Variants in PIK3CG observed in about 807,000 individuals in gnomAD.
PIK3CG encodes phosphatidylinositol 4,5-bisphosphate 3-kinase catalytic subunit gamma isoform.
A neutral mutation model predicts 102.3 loss-of-function variants in PIK3CG; 55 were observed. That is an observed-to-expected ratio of 0.54 (90% CI 0.43 to 0.67). The LOEUF is 0.67. PIK3CG is among the 30% of genes least tolerant of loss of function. The probability of loss-of-function intolerance (pLI) is 0.00; values close to 1 mark genes in which losing one functional copy is unlikely to be tolerated. For synonymous variants in PIK3CG, 552 were observed against 540.0 expected (o/e 1.02, Z -0.31); for missense variants, 1,258 against 1,391.8 (o/e 0.90, Z 1.53).
intron 2 of PIK3CG, among the ~76,000 whole-genome samples, chr7:106,871,583 T>G (rs1292785891): frequency 6.6e-6 from 1 of 152,244 alleles, no homozygotes; most frequent in Non-Finnish European, 1.5e-5. Context: ...GTGTATACTC[T>G]GAGATATTTA....
chr7:106,876,127 G>A (rs1248555925), intron 5 of PIK3CG, among the ~76,000 whole-genome samples: 6 of 149,682 alleles, frequency 4.0e-5, no homozygotes, highest in Non-Finnish European at 5.9e-5. Context: ...TGTTAGCCAG[G>A]ATGGTCTCGA....
rs934702112 is a variant in PIK3CG at position 106,905,640 on chromosome 7, C to A, written c.*253C>A. Reference sequence around the variant, plus strand: ...TTTGTCTGTGGCATTGGAGAATATTCTCGGTTTAAACAGACTAATGACTTC... The same window carrying A: ...TTTGTCTGTGGCATTGGAGAATATTATCGGTTTAAACAGACTAATGACTTC... On this transcript the variant is annotated 3_prime_UTR_variant, in exon 11 of 11. Coordinates refer to ENST00000496166, the MANE Select transcript of PIK3CG (RefSeq NM_001282426.2). The surrounding 1 kb of genome is among the most constrained non-coding windows in gnomAD (Gnocchi z 5.6). 1.8e-5 allele frequency: 9 copies of A among 504,160 alleles called. No individual in the cohort carries two copies. The highest frequency in any genetic ancestry group is 2.8e-5 in the Non-Finnish European group (8 of 284,442). 31.2% of individuals were successfully genotyped at this position (504,160 alleles called of 1,614,324 possible).
chr7:106,868,458 C>A lies in PIK3CG; in HGVS notation c.897C>A (p.Asn299Lys), dbSNP rs1220639059. ...AGTGGGTGAGGCACTGCCTCAAGAA[C>A]GGAGAAGAGATTCACGTGGTACTGG... is the stretch of plus-strand genomic sequence containing the variant. ...NFQWVRHCLK[N>K]GEEIHVVLDT... is the part of the protein sequence containing the mutation. Residue 299 changes from asparagine to lysine, a missense_variant, in exon 2 of 11, where the codon AAC (asparagine) becomes AAA (lysine). By Grantham distance (94) the Asn-to-Lys change is moderately conservative (BLOSUM62 0). This residue lies in a region of PIK3CG where 832 missense variants were observed against 787.5 expected (regional missense o/e 1.06). Coordinates refer to ENST00000496166, the MANE Select transcript of PIK3CG (RefSeq NM_001282426.2). This position sits in a 1 kb window ranked among gnomAD's most constrained non-coding sequence, Gnocchi z 6.2. 6.2e-7 allele frequency: 1 copy of A among 1,614,162 alleles called. No individual in the cohort carries two copies. The highest frequency in any genetic ancestry group is 8.5e-7 in the Non-Finnish European group (1 of 1,180,044).
chr7:106,880,778 A>G lies in PIK3CG; in HGVS notation c.2538+1113A>G, dbSNP rs528076486. Among the ~76,000 whole-genome samples, 1 of 152,210 alleles carries G rather than the reference A, an allele frequency of 6.6e-6. No homozygotes were observed. Among genetic ancestry groups the G allele is most frequent in the East Asian group, 1.9e-4 (1 of 5,178 alleles). On this transcript the variant is annotated intron_variant, in intron 6 of 10. Coordinates refer to ENST00000496166, the MANE Select transcript of PIK3CG (RefSeq NM_001282426.2). The surrounding 1 kb of genome is among the most constrained non-coding windows in gnomAD (Gnocchi z 4.2). ...ACTGCAGCCTCAAACTCCTAGGCTC[A>G]AGCAATCCTCCTGCCTTAGCCTCTG... is the stretch of plus-strand genomic sequence containing the variant.
rs1791424454 is a variant in PIK3CG at position 106,896,937 on chromosome 7, C to G, written c.3031-8172C>G. 2.0e-5 allele frequency among the ~76,000 whole-genome samples: 3 copies of G among 152,160 alleles called. 1 individual carries two copies. Among genetic ancestry groups the G allele is most frequent in the Admixed American group, 2.0e-4 (3 of 15,280 alleles). ...CAGTTACCCTACCACACACAAATGT[C>G]ACAGACAATATCAGCTAAAAGCAAA... On this transcript the variant is annotated intron_variant, in intron 10 of 10. Coordinates refer to ENST00000496166, the MANE Select transcript of PIK3CG (RefSeq NM_001282426.2).
Position 106,865,785 on chromosome 7 carries a change from TAGTC to T in PIK3CG, c.-13+362_-13+365del, listed in dbSNP as rs1378100781. 9 of 152,364 alleles carry T rather than the reference TAGTC, an allele frequency of 5.9e-5. No individual in the cohort carries two copies. In the South Asian group the frequency reaches 1.0e-3, roughly 18 times the overall value. 9.4% of individuals were successfully genotyped at this position (152,364 alleles called of 1,614,324 possible). A position where few individuals can be genotyped will look rare whatever the true frequency, so the allele number is the denominator to read the frequency against. On this transcript the variant is annotated intron_variant, in intron 1 of 10. Transcript: ENST00000496166. ...AACCATGAAGGAAACCAGTGAGTAT[TAGTC>T]AGCCTGTTTTCCTCTGCATCTTATA... is the stretch of plus-strand genomic sequence containing the variant.
rs1306985591 is a variant in PIK3CG at position 106,874,710 on chromosome 7, A to G, written c.2298A>G (p.Gln766=). Residue 766 remains glutamine (Q), a synonymous_variant, in exon 5 of 11, where the codon CAA becomes CAG. Transcript: ENST00000496166. This position sits in a 1 kb window ranked among gnomAD's most constrained non-coding sequence, Gnocchi z 4.3. The stretch of plus-strand genomic sequence containing the variant: ...TTTTGACAATTACAGTTATTTCACA[A>G]CTTAAACAAAAGCTTGAAAACCTGC... The part of the protein sequence containing the change: ...KYDVSSQVIS[Q]LKQKLENLQN... 1.9e-6 allele frequency: 3 copies of G among 1,610,510 alleles called. No homozygotes were observed. The highest frequency in any genetic ancestry group is 1.6e-4 in the Middle Eastern group (1 of 6,074).
rs758894398 is a variant in PIK3CG at position 106,879,486 on chromosome 7, G to T, written c.2392-33G>T. ...CCACCATGTATATTCGTTATTCATT[G>T]TGTGTGGGGAATATGTGACTGCTTC... On this transcript the variant is annotated intron_variant, in intron 5 of 10. Coordinates refer to ENST00000496166, the MANE Select transcript of PIK3CG (RefSeq NM_001282426.2). The surrounding 1 kb of genome is among the most constrained non-coding windows in gnomAD (Gnocchi z 4.9). 2.5e-6 allele frequency: 4 copies of T among 1,580,296 alleles called. No individual in the cohort carries two copies. The highest frequency in any genetic ancestry group is 3.4e-5 in the Admixed American group (2 of 59,506).
chr7:106,872,801 T>C lies in PIK3CG; in HGVS notation c.2150T>C (p.Leu717Pro), dbSNP rs1291906197. The C allele has an allele frequency of 6.2e-7, 1 of 1,614,096 alleles. No individual in the cohort carries two copies. Among genetic ancestry groups the C allele is most frequent in the Non-Finnish European group, 8.5e-7 (1 of 1,180,012 alleles). Residue 717 changes from leucine to proline, a missense_variant, in exon 4 of 11, where the codon CTG becomes CCG. Leu to Pro is a moderately conservative substitution (Grantham distance 98). This residue lies in a region of PIK3CG where 426 missense variants were observed against 604.2 expected (regional missense o/e 0.71). Transcript: ENST00000496166. The surrounding 1 kb of genome is among the most constrained non-coding windows in gnomAD (Gnocchi z 5.3). The stretch of plus-strand genomic sequence containing the variant: ...TATCAGCAGAGGTTCGCTGTGATTC[T>C]GGAAGCCTATCTGAGGGGCTGTGGC... ...RHYQQRFAVI[L>P]EAYLRGCGTA...
chr7:106,882,892 T>C, intron 7 of PIK3CG, 141 bp from the exon 8 acceptor site: 1 of 646,596 alleles, frequency 1.5e-6, no homozygotes, highest in Non-Finnish European at 2.5e-6. Flanking sequence ...ACCAATAGCA[T>C]AGACCTGGAA....
Position 106,894,312 on chromosome 7 carries a change from G to A in PIK3CG, c.3030+8020G>A, listed in dbSNP as rs900530059. Among the ~76,000 whole-genome samples, 1 of 152,022 alleles carries A rather than the reference G, an allele frequency of 6.6e-6. No individual in the cohort carries two copies. The highest frequency in any genetic ancestry group is 1.5e-5 in the Non-Finnish European group (1 of 67,998). ...CGCTATCAGAATATTGACTAAAGTA[G>A]AATAGCTTATTGTAGCATTTAGGTT... is the stretch of plus-strand genomic sequence containing the variant. On this transcript the variant is annotated intron_variant, in intron 10 of 10. Coordinates refer to ENST00000496166, the MANE Select transcript of PIK3CG (RefSeq NM_001282426.2). This position sits in a 1 kb window ranked among gnomAD's most constrained non-coding sequence, Gnocchi z 4.4.
In PIK3CG at chr7:106,882,128, C is replaced by T. The variant is rs768450449; in HGVS notation, c.2550C>T (p.Ile850=). 1 of 1,505,728 alleles carries T rather than the reference C, an allele frequency of 6.6e-7. No individual in the cohort carries two copies. The highest frequency in any genetic ancestry group is 1.4e-5 in the South Asian group (1 of 72,094). The allele number at this position is 1,505,728 out of a possible 1,614,324, so 93.3% of individuals were successfully genotyped here. A position where few individuals can be genotyped will look rare whatever the true frequency, so the allele number is the denominator to read the frequency against. Residue 850 remains isoleucine (I), a synonymous_variant, in exon 7 of 11, where the codon ATC becomes ATT. Transcript: ENST00000496166. ...QDMLILQILR[I]MESIWETESL... The stretch of plus-strand genomic sequence containing the variant: ...GTTTCGATGCCCAGATTCTACGAAT[C>T]ATGGAGTCTATTTGGGAGACTGAAT...
chr7:106,885,149 G>A (rs531391248), intron 9 of PIK3CG, among the ~76,000 whole-genome samples: 4 of 152,242 alleles, frequency 2.6e-5, no homozygotes, highest in African/African-American at 9.6e-5. Context: ...CCATGGCCCA[G>A]GGGTTGGGGA....
rs184046093 is a variant in PIK3CG at position 106,905,906 on chromosome 7, G to A, written c.*519G>A. The A allele has an allele frequency of 5.6e-4, 131 of 232,216 alleles. No individual in the cohort carries two copies. The Middle Eastern group carries it at 7.8e-3, about 14-fold the overall frequency. The allele number at this position is 232,216 out of a possible 1,614,324, so 14.4% of individuals were successfully genotyped here. ...GTGGTGTGCTAAAAGCAAGGAAAGCGAGTTAGTCTTTTCAGTGTCTTTTGC... is the reference window on the plus strand; with the variant it reads ...GTGGTGTGCTAAAAGCAAGGAAAGCAAGTTAGTCTTTTCAGTGTCTTTTGC... On this transcript the variant is annotated 3_prime_UTR_variant, in exon 11 of 11. Transcript: ENST00000496166. The surrounding 1 kb of genome is among the most constrained non-coding windows in gnomAD (Gnocchi z 5.6).
At chr7:106,904,282 T>A (rs1002821112) in intron 10 of PIK3CG, among the ~76,000 whole-genome samples, 2 of 152,192 alleles carry the variant, frequency 1.3e-5, no homozygotes, top group African/African-American at 4.8e-5. Context: ...CTTTTAACAT[T>A]ATGCTCAATA....
rs1174246569 is a variant in PIK3CG, at chr7:106,868,170, G to A, written c.609G>A (p.Thr203=). Residue 203 remains threonine, a synonymous_variant, in exon 2 of 11, where the codon ACG becomes ACA. Transcript: ENST00000496166. The surrounding 1 kb of genome is among the most constrained non-coding windows in gnomAD (Gnocchi z 6.2). ...TCTACGCCATGCACCCGTGGGTGAC[G>A]TCCAAGCCCCTCCCGGAGTACCTGT... ...PKLYAMHPWV[T]SKPLPEYLWK... 18 of 1,612,762 alleles carry A rather than the reference G, an allele frequency of 1.1e-5. No individual in the cohort carries two copies. The highest frequency in any genetic ancestry group is 1.5e-5 in the Non-Finnish European group (18 of 1,180,016).
chr7:106,892,935 C>G lies in PIK3CG; in HGVS notation c.3030+6643C>G, dbSNP rs562919521. Among the ~76,000 whole-genome samples the G allele has an allele frequency of 1.1e-4, 17 of 152,108 alleles. No individual in the cohort carries two copies. Among genetic ancestry groups the G allele is most frequent in the Admixed American group, 6.5e-4 (10 of 15,274 alleles). On this transcript the variant is annotated intron_variant, in intron 10 of 10. Transcript: ENST00000496166. The surrounding 1 kb of genome is among the most constrained non-coding windows in gnomAD (Gnocchi z 5.2). ...ATTTAGGAACAAGAAGTATATTTACCTGGTATGGATAGAAAGTGGTATTTC... is the reference window on the plus strand; with the variant it reads ...ATTTAGGAACAAGAAGTATATTTACGTGGTATGGATAGAAAGTGGTATTTC...
Position 106,874,221 on chromosome 7 carries a change from A to C in PIK3CG, c.2288-479A>C, listed in dbSNP as rs1790639684. Among the ~76,000 whole-genome samples the C allele has an allele frequency of 1.3e-5, 2 of 152,226 alleles. No homozygotes were observed. The highest frequency in any genetic ancestry group is 2.4e-5 in the African/African-American group (1 of 41,460). On this transcript the variant is annotated intron_variant, in intron 4 of 10. Coordinates refer to ENST00000496166, the MANE Select transcript of PIK3CG (RefSeq NM_001282426.2). This position sits in a 1 kb window ranked among gnomAD's most constrained non-coding sequence, Gnocchi z 4.3. Reference sequence around the variant, plus strand: ...TTGCCTTTAGAATTTTAAGGCTGTCACATCCATCTTCTCTACTTCTCTACA... The same window carrying C: ...TTGCCTTTAGAATTTTAAGGCTGTCCCATCCATCTTCTCTACTTCTCTACA...
rs1164612670 is a variant in PIK3CG at position 106,891,187 on chromosome 7, G to A, written c.3030+4895G>A. Among the ~76,000 whole-genome samples the A allele has an allele frequency of 2.0e-5, 3 of 152,176 alleles. No individual in the cohort carries two copies. The highest frequency in any genetic ancestry group is 2.9e-5 in the Non-Finnish European group (2 of 68,028). ...AGTAGTGGAGGGACAGCACCTTGTA[G>A]GGGAGGAGCTGGATCAAACTGGATA... On this transcript the variant is annotated intron_variant, in intron 10 of 10. Coordinates refer to ENST00000496166, the MANE Select transcript of PIK3CG (RefSeq NM_001282426.2). This position sits in a 1 kb window ranked among gnomAD's most constrained non-coding sequence, Gnocchi z 4.4.
Sources: gnomAD v4.1 joint callset for allele counts (sites outside exome capture counted in the v4.1 genomes callset) on GRCh38, gnomAD v4.1.1 for gene constraint, gnomAD v4.1.1 regional missense constraint, Gnocchi (gnomAD v3.1) non-coding constraint, MANE v1.5 for transcripts, NCBI Gene and HGNC (gene_info 2026-07-23, HGNC 2026-07-21) for gene names.